Variants in XIRP2 observed in about 807,000 individuals in gnomAD.
The protein encoded by XIRP2 is xin actin-binding repeat-containing protein 2.
XIRP2 carries 236 observed loss-of-function variants against 277.0 expected under a neutral mutation model. The ratio of observed to expected loss-of-function variants is 0.85; its 90% CI spans 0.77 to 0.95. XIRP2 has a LOEUF of 0.95. Ranked by LOEUF, XIRP2 falls within the 40% of genes least tolerant of loss-of-function variation. The pLI is 0.00. For missense variants in XIRP2, 4,640 were observed against 4,157.5 expected, an observed-to-expected ratio of 1.12 and a Z score of -3.19; for synonymous variants, 1,490 against 1,416.5, an observed-to-expected ratio of 1.05 and a Z score of -1.17.
intron 2 of XIRP2, among the ~76,000 whole-genome samples, chr2:167,097,372 CTT>C (rs149769877): frequency 0.26 from 39,573 of 151,664 alleles, 7,643 homozygotes; most frequent in African/African-American, 0.54. Flanking sequence ...GCAACCCCTG[CTT>C]TTTTTTGTTT....
At chr2:167,203,662 C>T (rs1243869563) in intron 3 of XIRP2, among the ~76,000 whole-genome samples, 1 of 152,074 alleles carries the variant, frequency 6.6e-6, no homozygotes, top group Non-Finnish European at 1.5e-5. Context: ...TTTTATTCTC[C>T]ATCTATTTCT....
chr2:167,064,064 A>T (rs1689239156), intron 2 of XIRP2, among the ~76,000 whole-genome samples: 1 of 151,732 alleles, frequency 6.6e-6, no homozygotes, highest in African/African-American at 2.4e-5. Context: ...TGTTACAACT[A>T]GTTTTATAAA....
intron 2 of XIRP2, among the ~76,000 whole-genome samples, chr2:167,063,370 T>C (rs1689219129): frequency 6.6e-6 from 1 of 151,952 alleles, no homozygotes; most frequent in African/African-American, 2.4e-5. Context: ...GAAAAGAAGG[T>C]GTATTCTTCT....
chr2:167,044,359 G>A (rs2105524629), intron 2 of XIRP2, among the ~76,000 whole-genome samples: 1 of 152,090 alleles, frequency 6.6e-6, no homozygotes, highest in Middle Eastern at 3.4e-3. Context: ...TTGAGAAGTG[G>A]GGCAAAACAA....
chr2:167,068,607 C>CT (rs201447859), intron 2 of XIRP2, among the ~76,000 whole-genome samples: 4,968 of 148,036 alleles, frequency 0.034, 160 homozygotes, highest in African/African-American at 0.086. Context: ...TTTTTCTTTG[C>CT]TTTTTTTTTT....
chr2:167,201,254 GAAAGAA>G (rs1559018419), intron 3 of XIRP2, among the ~76,000 whole-genome samples: 40 of 89,138 alleles, frequency 4.5e-4, no homozygotes, highest in African/African-American at 2.0e-3. Flanking sequence ...AAGAAAGAAA[GAAAGAA>G]AGAGAGAGGG....
chr2:166,969,006 A>C (rs1662716109), intron 2 of XIRP2, among the ~76,000 whole-genome samples: 1 of 151,984 alleles, frequency 6.6e-6, no homozygotes, highest in African/African-American at 2.4e-5. Context: ...GTTTGTGTCA[A>C]GAAGAGTTTT....
At chr2:166,892,372 G>T (rs1684126164) in intron 1 of XIRP2, among the ~76,000 whole-genome samples, 1 of 152,104 alleles carries the variant, frequency 6.6e-6, no homozygotes, top group Non-Finnish European at 1.5e-5. Flanking sequence ...AAACAGAGCA[G>T]GTAGAAATCA....
intron 2 of XIRP2, among the ~76,000 whole-genome samples, chr2:166,928,022 A>AT (rs1025705984): frequency 3.3e-5 from 5 of 151,960 alleles, no homozygotes; most frequent in African/African-American, 1.2e-4. Context: ...AAATATGTAA[A>AT]TTTTTTTTCT....
intron 2 of XIRP2, among the ~76,000 whole-genome samples, chr2:167,045,593 TA>T (rs950313277): frequency 6.6e-6 from 1 of 151,976 alleles, no homozygotes; most frequent in African/African-American, 2.4e-5. Context: ...GAACAATTTT[TA>T]AAAGAAAACA....
chr2:167,118,345 G>A (rs1250443543), intron 2 of XIRP2, among the ~76,000 whole-genome samples: 14 of 152,012 alleles, frequency 9.2e-5, no homozygotes, highest in Non-Finnish European at 1.5e-5. Context: ...AGCCAGGCGT[G>A]GTGGCATACG....
At chr2:167,151,676 C>A (rs1692021246) in intron 3 of XIRP2, among the ~76,000 whole-genome samples, 1 of 152,052 alleles carries the variant, frequency 6.6e-6, no homozygotes, top group South Asian at 2.1e-4. Context: ...TTTCTTAGTG[C>A]AAGCTTCAGT....
At chr2:166,955,901 A>G (rs1158494746) in intron 2 of XIRP2, among the ~76,000 whole-genome samples, 2 of 151,732 alleles carry the variant, frequency 1.3e-5, no homozygotes, top group Non-Finnish European at 2.9e-5. Flanking sequence ...TTATGTCAAT[A>G]AATTTGTCTT....
At position 167,246,315 on chromosome 2, in the gene XIRP2, AAACAGATC is replaced by A; in HGVS notation, c.4927_4934del (p.Arg1643Ter). ...TTAATTTGACTAAAACTCAATTATT[AAACAGATC>A]AACTGAATTTCATGCTGAAAAAGAA... On this transcript the variant is annotated frameshift_variant, in exon 9 of 11. Coordinates refer to ENST00000409195, the MANE Select transcript of XIRP2 (RefSeq NM_152381.6). LOFTEE classifies it high-confidence loss of function. The A allele has an allele frequency of 6.2e-7, 1 of 1,613,202 alleles. No individual in the cohort carries two copies. The highest frequency in any genetic ancestry group is 8.5e-7 in the Non-Finnish European group (1 of 1,179,646).
chr2:167,182,587 C>T (rs967682267), intron 3 of XIRP2, among the ~76,000 whole-genome samples: 3 of 152,124 alleles, frequency 2.0e-5, no homozygotes, highest in Non-Finnish European at 4.4e-5. Context: ...ATAATCCAAA[C>T]ATGTAGAGTC....
chr2:166,964,605 C>T (rs1686378735), intron 2 of XIRP2, among the ~76,000 whole-genome samples: 1 of 151,770 alleles, frequency 6.6e-6, no homozygotes, highest in African/African-American at 2.4e-5. Context: ...ATCATCCTTC[C>T]ACCTGCAGCT....
chr2:167,015,385 C>A (rs1162122990), intron 2 of XIRP2, among the ~76,000 whole-genome samples: 1 of 151,456 alleles, frequency 6.6e-6, no homozygotes, highest in Non-Finnish European at 1.5e-5. Context: ...CTACTAAGTA[C>A]CTATCCCAAA....
At chr2:167,234,984 T>C in intron 5 of XIRP2, among the ~76,000 whole-genome samples, 1 of 151,984 alleles carries the variant, frequency 6.6e-6, no homozygotes, top group South Asian at 2.1e-4. Context: ...AACGAGTTTG[T>C]TTAGCATCAT....
intron 3 of XIRP2, among the ~76,000 whole-genome samples, chr2:167,150,706 GA>G: frequency 6.6e-6 from 1 of 151,932 alleles, no homozygotes; most frequent in South Asian, 2.1e-4. Context: ...TAAAATAGGG[GA>G]AAACCCCTAA....
Sources: allele counts gnomAD v4.1 joint callset (sites outside exome capture counted in the v4.1 genomes callset), GRCh38; gene constraint gnomAD v4.1.1; transcripts MANE v1.5; gene names NCBI Gene and HGNC (gene_info 2026-07-23, HGNC 2026-07-21).